CCDC60: variants seen among roughly 807,000 people sequenced by gnomAD.
CCDC60 encodes the protein coiled-coil domain-containing protein 60.
A neutral mutation model predicts 63.5 loss-of-function variants in CCDC60; 54 were observed. That is an observed-to-expected ratio of 0.85 (90% CI 0.68 to 1.07). The LOEUF (loss-of-function observed/expected upper bound fraction) is 1.07. Among genes scored for constraint, CCDC60 ranks in the 50% least tolerant of loss-of-function variants. The pLI is 0.00. For missense variants in CCDC60, 651 were observed against 684.3 expected (o/e 0.95, Z 0.54); for synonymous variants, 206 against 238.8 (o/e 0.86, Z 1.27).
At chr12:119,501,340 TGGGGCACTATTCTTA>T (rs1951845782) in intron 6 of CCDC60, among the ~76,000 whole-genome samples, 2 of 152,184 alleles carry the variant, frequency 1.3e-5, no homozygotes, top group African/African-American at 4.8e-5. Flanking sequence ...AATAACCCTA[TGGGGCACTATTCTTA>T]CCCCCAGGTG....
chr12:119,418,489 A>G (rs960469928), intron 1 of CCDC60, among the ~76,000 whole-genome samples: 1 of 128,244 alleles, frequency 7.8e-6, no homozygotes, highest in Admixed American at 9.9e-5. Flanking sequence ...ATCTCAGTTC[A>G]CTGCAGCCTC....
chr12:119,417,740 A>C (rs1235983353), intron 1 of CCDC60, among the ~76,000 whole-genome samples: 1 of 152,132 alleles, frequency 6.6e-6, no homozygotes, highest in Non-Finnish European at 1.5e-5. Context: ...TCAACCAAAA[A>C]ACTATGACAG....
At chr12:119,413,820 C>A (rs1359772568) in intron 1 of CCDC60, among the ~76,000 whole-genome samples, 2 of 152,168 alleles carry the variant, frequency 1.3e-5, no homozygotes, top group Admixed American at 6.5e-5. Flanking sequence ...AGAGAGCAGT[C>A]CCCACTCCAT....
At chr12:119,343,598 A>G (rs1032782462) in intron 1 of CCDC60, among the ~76,000 whole-genome samples, 1 of 151,890 alleles carries the variant, frequency 6.6e-6, no homozygotes, top group African/African-American at 2.4e-5. Flanking sequence ...GCTGTTGGAA[A>G]GAACATTTAT....
At chr12:119,336,374 C>T (rs916649755) in intron 1 of CCDC60, among the ~76,000 whole-genome samples, 1 of 152,096 alleles carries the variant, frequency 6.6e-6, no homozygotes, top group African/African-American at 2.4e-5. Context: ...AGAGTGAAAA[C>T]GCGAACCAGA....
chr12:119,523,928 C>A, intron 11 of CCDC60, 110 bp downstream of exon 11: 1 of 1,175,422 alleles, frequency 8.5e-7, no homozygotes. Context: ...AGAACTTGTT[C>A]TCTGTCCTCA....
At chr12:119,485,126 T>G (rs1951405260) in intron 4 of CCDC60, among the ~76,000 whole-genome samples, 1 of 152,234 alleles carries the variant, frequency 6.6e-6, no homozygotes, top group African/African-American at 2.4e-5. Context: ...GCTAAGCACA[T>G]CACCTCACCC....
chr12:119,485,904 G>A (rs1951429312), intron 4 of CCDC60, among the ~76,000 whole-genome samples: 1 of 152,178 alleles, frequency 6.6e-6, no homozygotes. Context: ...ATGCTCACAT[G>A]CCCCGCTTCC....
chr12:119,530,838 A>G, intron 12 of CCDC60, 36 bp from the exon 13 acceptor site: 1 of 1,578,480 alleles, frequency 6.3e-7, no homozygotes, highest in Non-Finnish European at 8.6e-7. Context: ...ATCTTCCAGC[A>G]GCTTCCTAAC....
intron 1 of CCDC60, among the ~76,000 whole-genome samples, chr12:119,336,851 A>G (rs966907386): frequency 1.3e-5 from 2 of 152,218 alleles, no homozygotes; most frequent in East Asian, 3.8e-4. Context: ...ACTGGAGTTA[A>G]TGGTTCCTGT....
At chr12:119,378,386 A>G (rs924408994) in intron 1 of CCDC60, among the ~76,000 whole-genome samples, 3 of 152,188 alleles carry the variant, frequency 2.0e-5, no homozygotes, top group Non-Finnish European at 2.9e-5. Flanking sequence ...TAGAAAGGAA[A>G]TGATTTGGGG....
At chr12:119,495,994 T>A (rs891769327) in intron 5 of CCDC60, among the ~76,000 whole-genome samples, 5 of 152,180 alleles carry the variant, frequency 3.3e-5, no homozygotes, top group African/African-American at 1.2e-4. Context: ...TCCCCTGCTC[T>A]CCTCTTTGCA....
intron 1 of CCDC60, among the ~76,000 whole-genome samples, chr12:119,341,260 C>T (rs1955529393): frequency 1.4e-5 from 2 of 147,926 alleles, no homozygotes; most frequent in Admixed American, 1.3e-4. Flanking sequence ...CCTCCTGACA[C>T]GAGAAGAGCG....
At chr12:119,500,021 C>A in intron 5 of CCDC60, 57 bp from the exon 6 acceptor site, 1 of 1,194,880 alleles carries the variant, frequency 8.4e-7, no homozygotes, top group Non-Finnish European at 1.3e-6. Flanking sequence ...CTTAAAAGAA[C>A]TTGTAATAAA....
chr12:119,520,316 C>A, intron 9 of CCDC60, 124 bp downstream of exon 9: 1 of 755,584 alleles, frequency 1.3e-6, no homozygotes, highest in Non-Finnish European at 2.2e-6. Context: ...CTTTTTCCTT[C>A]TTATGACCTC....
At chr12:119,337,347 G>A (rs112398727) in intron 1 of CCDC60, among the ~76,000 whole-genome samples, 3,023 of 152,294 alleles carry the variant, frequency 0.02, 110 homozygotes, top group African/African-American at 0.068. Context: ...ACATCAGAGC[G>A]GGAGCAGCAG....
intron 5 of CCDC60, among the ~76,000 whole-genome samples, chr12:119,494,169 T>C (rs916770923): frequency 6.6e-5 from 10 of 152,208 alleles, no homozygotes; most frequent in African/African-American, 2.4e-4. Flanking sequence ...ACCGAAGACC[T>C]ACCTAGAAAT....
At chr12:119,464,471 A>C (rs1251648209) in intron 2 of CCDC60, among the ~76,000 whole-genome samples, 3 of 151,902 alleles carry the variant, frequency 2.0e-5, no homozygotes, top group African/African-American at 7.3e-5. Context: ...CTGTCAAACA[A>C]AAGTCTTAAG....
rs1212446187 is a variant in CCDC60, at chr12:119,526,011, A to G, written c.1229+2193A>G. On this transcript the variant is annotated intron_variant, in intron 11 of 13. Transcript: ENST00000327554. ...GAGGAATCACATCACCTGACCTCAA[A>G]CTATACTACAAGGTGACAGTGACCA... Among the ~76,000 whole-genome samples the G allele has an allele frequency of 2.6e-5, 4 of 152,236 alleles. No individual in the cohort carries two copies. The East Asian group carries it at 7.7e-4, about 29-fold the overall frequency.
Sources: gnomAD v4.1 joint callset for allele counts (sites outside exome capture counted in the v4.1 genomes callset) on GRCh38, gnomAD v4.1.1 for gene constraint, MANE v1.5 for transcripts, NCBI Gene and HGNC (gene_info 2026-07-23, HGNC 2026-07-21) for gene names.